Variants in CSTPP1 observed in about 807,000 individuals in gnomAD.
CSTPP1 encodes centriolar satellite-associated tubulin polyglutamylase complex regulator 1.
At chr11:47,044,256 G>A in the CSTPP1 span, among the ~76,000 whole-genome samples, 2 of 151,954 alleles carry the variant, frequency 1.3e-5, no homozygotes, top group Non-Finnish European at 2.9e-5. Context: ...CAAAATGCTG[G>A]GATTACAGGT....
At chr11:47,050,932 A>G in the CSTPP1 span, among the ~76,000 whole-genome samples, 3 of 152,186 alleles carry the variant, frequency 2.0e-5, no homozygotes, top group Admixed American at 6.5e-5. Context: ...AGAGTATATA[A>G]TTTGCTTTTT....
At chr11:47,159,831 C>T in the CSTPP1 span, 5 of 390,582 alleles carry the variant, frequency 1.3e-5, no homozygotes, top group Non-Finnish European at 2.5e-5. Flanking sequence ...ATGGAGAAAC[C>T]CCGTCTCTAC....
chr11:47,162,897 T>A, the CSTPP1 span, among the ~76,000 whole-genome samples: 1 of 152,106 alleles, frequency 6.6e-6, no homozygotes, highest in Admixed American at 6.5e-5. Context: ...CCGAAGCTGC[T>A]CCAGGATGCA....
the CSTPP1 span, among the ~76,000 whole-genome samples, chr11:47,099,754 TG>T: frequency 6.6e-6 from 1 of 152,228 alleles, no homozygotes; most frequent in Non-Finnish European, 1.5e-5. Context: ...CACCTGCCAA[TG>T]AAAAAGATTA....
the CSTPP1 span, among the ~76,000 whole-genome samples, chr11:47,070,904 A>G: frequency 1.3e-5 from 2 of 152,136 alleles, no homozygotes; most frequent in African/African-American, 2.4e-5. Flanking sequence ...CTTATAGACT[A>G]TACTCTGGCC....
At chr11:47,129,471 T>G in the CSTPP1 span, among the ~76,000 whole-genome samples, 3 of 152,162 alleles carry the variant, frequency 2.0e-5, no homozygotes, top group Non-Finnish European at 4.4e-5. Context: ...CCTTCCACAA[T>G]GCATACGGCT....
chr11:47,007,970 T>C, the CSTPP1 span, among the ~76,000 whole-genome samples: 1 of 152,088 alleles, frequency 6.6e-6, no homozygotes, highest in African/African-American at 2.4e-5. Flanking sequence ...CTCTATTTTT[T>C]TTTTCTTTTC....
At chr11:46,974,895 CACACACACAA>C in the CSTPP1 span, among the ~76,000 whole-genome samples, 1 of 101,214 alleles carries the variant, frequency 9.9e-6, no homozygotes, top group Non-Finnish European at 2.1e-5. Context: ...CACACACACA[CACACACACAA>C]TACTCCAATT....
chr11:46,961,962 A>G, the CSTPP1 span, among the ~76,000 whole-genome samples: 1 of 152,328 alleles, frequency 6.6e-6, no homozygotes, highest in Admixed American at 6.5e-5. Flanking sequence ...CAGGAAGTTT[A>G]CAATCATGGC....
the CSTPP1 span, among the ~76,000 whole-genome samples, chr11:46,949,989 T>C: frequency 6.6e-6 from 1 of 151,018 alleles, no homozygotes; most frequent in African/African-American, 2.4e-5. Context: ...TAACTATTAT[T>C]GAAGGACCAG....
At chr11:47,158,911 C>CA in the CSTPP1 span, among the ~76,000 whole-genome samples, 9 of 152,304 alleles carry the variant, frequency 5.9e-5, no homozygotes, top group Non-Finnish European at 1.2e-4. Context: ...AAGGAAAAGA[C>CA]ACACAGCATC....
At chr11:47,114,783 C>T in the CSTPP1 span, among the ~76,000 whole-genome samples, 1 of 152,192 alleles carries the variant, frequency 6.6e-6, no homozygotes, top group East Asian at 1.9e-4. Flanking sequence ...CAAACAGGGA[C>T]AATTTGACTT....
the CSTPP1 span, among the ~76,000 whole-genome samples, chr11:47,159,113 C>T: frequency 6.6e-6 from 1 of 152,246 alleles, no homozygotes; most frequent in Non-Finnish European, 1.5e-5. Context: ...ATGCCACCCA[C>T]AGCCTGGTTA....
chr11:47,086,383 G>A, the CSTPP1 span, among the ~76,000 whole-genome samples: 1 of 151,958 alleles, frequency 6.6e-6, no homozygotes, highest in African/African-American at 2.4e-5. Context: ...TCCAGCCTGT[G>A]TGATGGAGTG....
At chr11:46,957,731 G>A in the CSTPP1 span, among the ~76,000 whole-genome samples, 3 of 152,280 alleles carry the variant, frequency 2.0e-5, no homozygotes, top group African/African-American at 4.8e-5. Flanking sequence ...CTCTGGAACT[G>A]TTGTTACTTA....
chr11:46,944,855 T>C, the CSTPP1 span, among the ~76,000 whole-genome samples: 2 of 152,228 alleles, frequency 1.3e-5, no homozygotes, highest in Admixed American at 1.3e-4. Flanking sequence ...GCATGTCTGA[T>C]CCTGTTTTGG....
At chr11:47,113,265 A>G in the CSTPP1 span, among the ~76,000 whole-genome samples, 1 of 152,136 alleles carries the variant, frequency 6.6e-6, no homozygotes, top group African/African-American at 2.4e-5. Context: ...GTTGGTTCCA[A>G]GTCTTTGCTA....
the CSTPP1 span, among the ~76,000 whole-genome samples, chr11:46,950,786 A>G: frequency 2.6e-5 from 4 of 151,532 alleles, no homozygotes; most frequent in Admixed American, 2.0e-4. Flanking sequence ...TAATTTTTGT[A>G]TTTTTAGTAG....
At chr11:47,061,178 A>G in the CSTPP1 span, among the ~76,000 whole-genome samples, 1 of 151,982 alleles carries the variant, frequency 6.6e-6, no homozygotes, top group Non-Finnish European at 1.5e-5. Flanking sequence ...ACATTTATGT[A>G]TCAGTTCTTG....
Sources: allele counts gnomAD v4.1 joint callset (sites outside exome capture counted in the v4.1 genomes callset), GRCh38; gene constraint gnomAD v4.1.1; transcripts MANE v1.5; gene names NCBI Gene and HGNC (gene_info 2026-07-23, HGNC 2026-07-21).